The following IQCM variants were observed in gnomAD, a reference collection of about 807,000 sequenced individuals.
The protein encoded by IQCM is IQ domain-containing protein M.
IQCM carries 45 observed loss-of-function variants against 57.6 expected under a neutral mutation model. That is an observed-to-expected ratio of 0.78 (90% CI 0.62 to 1.00). The LOEUF (loss-of-function observed/expected upper bound fraction) is 1.00. Ranked by LOEUF, IQCM falls within the 50% of genes least tolerant of loss-of-function variation. The probability of loss-of-function intolerance (pLI) is 0.00; values close to 1 mark genes in which losing one functional copy is unlikely to be tolerated. For missense variants in IQCM, 468 were observed against 511.6 expected (o/e 0.91, Z 0.82); for synonymous variants, 148 against 158.9 (o/e 0.93, Z 0.51).
intron 13 of IQCM, among the ~76,000 whole-genome samples, chr4:149,397,807 T>G (rs1447235047): frequency 6.6e-6 from 1 of 152,002 alleles, no homozygotes. Context: ...GGCAGTTCCT[T>G]ATACATTTCA....
intron 12 of IQCM, among the ~76,000 whole-genome samples, chr4:149,531,809 A>T (rs986209780): frequency 6.6e-6 from 1 of 152,108 alleles, no homozygotes; most frequent in African/African-American, 2.4e-5. Context: ...TAACAATTAG[A>T]ATAATGATCT....
At chr4:149,803,476 C>T (rs1773795096) in intron 2 of IQCM, among the ~76,000 whole-genome samples, 1 of 151,978 alleles carries the variant, frequency 6.6e-6, no homozygotes, top group South Asian at 2.1e-4. Flanking sequence ...TACTAATAAG[C>T]ATGTCAAAGG....
intron 12 of IQCM, among the ~76,000 whole-genome samples, chr4:149,439,612 C>T (rs908768116): frequency 6.6e-6 from 1 of 151,890 alleles, no homozygotes. Flanking sequence ...ATAATACAAA[C>T]ATTATCTCAA....
chr4:149,577,204 T>C (rs1751742433), intron 9 of IQCM, among the ~76,000 whole-genome samples: 1 of 152,034 alleles, frequency 6.6e-6, no homozygotes. Context: ...TGCTGATAAT[T>C]TCTTTTGTGT....
At chr4:149,368,126 A>G (rs1436422938) in intron 13 of IQCM, among the ~76,000 whole-genome samples, 1 of 152,020 alleles carries the variant, frequency 6.6e-6, no homozygotes, top group Non-Finnish European at 1.5e-5. Flanking sequence ...AAACAAAGTC[A>G]TTTGTCTTCT....
rs1738113290 is a variant in IQCM at position 149,460,079 on chromosome 4, C to T, written c.1229-26522G>A. On this transcript the variant is annotated intron_variant, in intron 12 of 13. Coordinates refer to ENST00000636793, the MANE Select transcript of IQCM (RefSeq NM_001363507.2). ...ATTTCTCCACATCTTCACCAACACTCTTTGTCTCCTGTGTTTTTTGGATAG... is the reference window on the plus strand; with the variant it reads ...ATTTCTCCACATCTTCACCAACACTTTTTGTCTCCTGTGTTTTTTGGATAG... 2.0e-5 allele frequency among the ~76,000 whole-genome samples: 3 copies of T among 152,138 alleles called. No homozygotes were observed. The South Asian group carries it at 6.2e-4, about 31-fold the overall frequency.
intron 5 of IQCM, among the ~76,000 whole-genome samples, chr4:149,722,956 T>C (rs1400810669): frequency 6.6e-6 from 1 of 152,106 alleles, no homozygotes; most frequent in Non-Finnish European, 1.5e-5. Flanking sequence ...ATTTCTGTCA[T>C]TTATGACTTC....
At chr4:149,657,483 G>C (rs1759739254) in intron 7 of IQCM, among the ~76,000 whole-genome samples, 1 of 151,966 alleles carries the variant, frequency 6.6e-6, no homozygotes, top group Non-Finnish European at 1.5e-5. Flanking sequence ...TTGGAGTACA[G>C]ATATCTCAAC....
In IQCM at chr4:149,775,476, T is replaced by G. The variant is rs557019214; in HGVS notation, c.-48-32737A>C. 1.6e-3 allele frequency among the ~76,000 whole-genome samples: 244 copies of G among 152,300 alleles called. 2 individuals carry two copies. Among genetic ancestry groups the G allele is most frequent in the Non-Finnish European group, 2.2e-3 (149 of 67,998 alleles). ...TCTAAAACTACTAAAACCTACTAAA[T>G]AATCTGAGATAAAACCATCACTTCT... is the stretch of plus-strand genomic sequence containing the variant. On this transcript the variant is annotated intron_variant, in intron 2 of 13. Coordinates refer to ENST00000636793, the MANE Select transcript of IQCM (RefSeq NM_001363507.2).
At chr4:149,780,531 T>TTATATATA (rs371081838) in intron 2 of IQCM, among the ~76,000 whole-genome samples, 1 of 138,170 alleles carries the variant, frequency 7.2e-6, no homozygotes. Flanking sequence ...AATATGTAAG[T>TTATATATA]TATATATATA....
At chr4:149,468,387 T>C (rs1739106089) in intron 12 of IQCM, among the ~76,000 whole-genome samples, 1 of 152,118 alleles carries the variant, frequency 6.6e-6, no homozygotes, top group Non-Finnish European at 1.5e-5. Flanking sequence ...GCTAGCACAG[T>C]AGTCTGAGAT....
chr4:149,368,011 G>A lies in IQCM; in HGVS notation c.1391-15945C>T, dbSNP rs527802001. ...GTGTCCTTGTTCTCTATTTTAAGTA[G>A]CTCATTGTATCAAACCTCTGCCTTC... On this transcript the variant is annotated intron_variant, in intron 13 of 13. Coordinates refer to ENST00000636793, the MANE Select transcript of IQCM (RefSeq NM_001363507.2). 1.1e-4 allele frequency among the ~76,000 whole-genome samples: 16 copies of A among 151,958 alleles called. No homozygotes were observed. The South Asian group carries it at 2.9e-3, about 28-fold the overall frequency.
intron 7 of IQCM, among the ~76,000 whole-genome samples, chr4:149,642,187 A>G (rs1758254206): frequency 6.6e-6 from 1 of 152,192 alleles, no homozygotes; most frequent in African/African-American, 2.4e-5. Flanking sequence ...CTTTCAAGCC[A>G]AACCAACTTT....
intron 3 of IQCM, among the ~76,000 whole-genome samples, chr4:149,738,301 T>G (rs1767133877): frequency 6.6e-6 from 1 of 152,226 alleles, no homozygotes; most frequent in Admixed American, 6.5e-5. Flanking sequence ...CACGTTTCCC[T>G]GACACTTGCA....
At chr4:149,634,435 T>C (rs1197193667) in intron 7 of IQCM, among the ~76,000 whole-genome samples, 3 of 152,230 alleles carry the variant, frequency 2.0e-5, no homozygotes, top group African/African-American at 7.2e-5. Context: ...AGGGATTATG[T>C]TTTCTTGTAT....
At chr4:149,446,830 T>G (rs1009537089) in intron 12 of IQCM, among the ~76,000 whole-genome samples, 1 of 151,634 alleles carries the variant, frequency 6.6e-6, no homozygotes, top group Non-Finnish European at 1.5e-5. Flanking sequence ...AACCTGAAGA[T>G]GGCTTATATT....
At chr4:149,511,583 TA>T (rs924354760) in intron 12 of IQCM, among the ~76,000 whole-genome samples, 3 of 151,518 alleles carry the variant, frequency 2.0e-5, no homozygotes, top group African/African-American at 4.8e-5. Flanking sequence ...ATTAAACATT[TA>T]AAAAAATGTA....
At chr4:149,474,537 G>T (rs13125581) in intron 12 of IQCM, among the ~76,000 whole-genome samples, 4,401 of 138,612 alleles carry the variant, frequency 0.032, 91 homozygotes, top group Non-Finnish European at 0.047. Context: ...GTGAAACCCC[G>T]TCACTACTAA....
At chr4:149,611,867 T>A (rs1273346860) in intron 8 of IQCM, among the ~76,000 whole-genome samples, 2 of 151,646 alleles carry the variant, frequency 1.3e-5, no homozygotes, top group Admixed American at 1.3e-4. Context: ...AAAGAAATAA[T>A]AAATACTTGA....
Sources: gnomAD v4.1 joint callset for allele counts (sites outside exome capture counted in the v4.1 genomes callset) on GRCh38, gnomAD v4.1.1 for gene constraint, MANE v1.5 for transcripts, NCBI Gene and HGNC (gene_info 2026-07-23, HGNC 2026-07-21) for gene names.